The following RYK variants were observed in gnomAD, a reference collection of about 807,000 sequenced individuals.
The protein encoded by RYK is receptor like tyrosine kinase, also known as inactive tyrosine-protein kinase RYK.
A neutral mutation model predicts 70.2 loss-of-function variants in RYK; 21 were observed. The ratio of observed to expected loss-of-function variants is 0.30; its 90% CI spans 0.21 to 0.43. RYK has a LOEUF of 0.43. RYK is among the 20% of genes least tolerant of loss of function. The pLI is 1.00. For missense variants in RYK, 604 were observed against 753.3 expected (o/e 0.80, Z 2.32); for synonymous variants, 267 against 278.0 (o/e 0.96, Z 0.39).
chr3:134,202,146 C>T (rs1324483218), intron 6 of RYK, among the ~76,000 whole-genome samples: 1 of 152,146 alleles, frequency 6.6e-6, no homozygotes, highest in East Asian at 1.9e-4. Flanking sequence ...TAGTATCTAA[C>T]CCAGTATATC....
chr3:134,167,933 AAAC>A (rs1336203453), intron 13 of RYK, among the ~76,000 whole-genome samples: 4 of 152,178 alleles, frequency 2.6e-5, no homozygotes, highest in Non-Finnish European at 5.9e-5. Context: ...TACAAGAAAA[AAAC>A]AACCCCATCA....
chr3:134,249,915 T>C (rs1381206727), intron 1 of RYK, among the ~76,000 whole-genome samples: 4 of 134,778 alleles, frequency 3.0e-5, no homozygotes, highest in Admixed American at 7.7e-5. Flanking sequence ...TCTTTCTCTC[T>C]CGTTTTTTTT....
intron 2 of RYK, among the ~76,000 whole-genome samples, chr3:134,218,119 T>C (rs903992829): frequency 6.6e-6 from 1 of 152,200 alleles, no homozygotes; most frequent in Non-Finnish European, 1.5e-5. Flanking sequence ...CCTCACTCTA[T>C]TATGAGTAAA....
chr3:134,192,723 A>C (rs1255114191), intron 7 of RYK, among the ~76,000 whole-genome samples: 1 of 152,214 alleles, frequency 6.6e-6, no homozygotes, highest in African/African-American at 2.4e-5. Context: ...GATAATGGGA[A>C]GAAACCTCCC....
chr3:134,186,228 G>A (rs986535212), intron 9 of RYK, among the ~76,000 whole-genome samples: 4 of 152,140 alleles, frequency 2.6e-5, no homozygotes, highest in African/African-American at 9.7e-5. Context: ...GTAAGATTCG[G>A]GTTGCTAATT....
intron 1 of RYK, among the ~76,000 whole-genome samples, chr3:134,233,232 A>C (rs2015109628): frequency 6.6e-6 from 1 of 152,204 alleles, no homozygotes. Flanking sequence ...GCTCTGCTTT[A>C]ATTGCAGAAA....
chr3:134,173,877 T>C (rs528848852), intron 13 of RYK, among the ~76,000 whole-genome samples: 7 of 152,230 alleles, frequency 4.6e-5, no homozygotes, highest in Non-Finnish European at 7.3e-5. Flanking sequence ...AGTTTTTCAG[T>C]AAAGAAATCT....
intron 6 of RYK, among the ~76,000 whole-genome samples, chr3:134,200,914 T>G (rs974351788): frequency 1.3e-5 from 2 of 152,240 alleles, no homozygotes; most frequent in Non-Finnish European, 2.9e-5. Context: ...CACCAATTCA[T>G]GGATGGTAAC....
chr3:134,206,670 T>C (rs1403428325), intron 5 of RYK, among the ~76,000 whole-genome samples: 1 of 152,054 alleles, frequency 6.6e-6, no homozygotes, highest in Non-Finnish European at 1.5e-5. Context: ...TTAAAGGAGA[T>C]CTACACTGAA....
At chr3:134,199,580 G>A (rs943559014) in intron 6 of RYK, among the ~76,000 whole-genome samples, 1 of 152,206 alleles carries the variant, frequency 6.6e-6, no homozygotes, top group Non-Finnish European at 1.5e-5. Context: ...TACAGTACTG[G>A]TAAACAGAAA....
chr3:134,172,368 A>G (rs2012942331), intron 13 of RYK, among the ~76,000 whole-genome samples: 1 of 152,238 alleles, frequency 6.6e-6, no homozygotes. Flanking sequence ...ATTATGTTCT[A>G]CAACCAAAGC....
chr3:134,236,783 A>G (rs777744739), intron 1 of RYK, among the ~76,000 whole-genome samples: 7 of 152,182 alleles, frequency 4.6e-5, no homozygotes, highest in Non-Finnish European at 8.8e-5. Flanking sequence ...TGGGCTGATT[A>G]ATTTTTGACA....
At chr3:134,214,533 T>A (rs2107681167) in intron 2 of RYK, among the ~76,000 whole-genome samples, 1 of 152,334 alleles carries the variant, frequency 6.6e-6, no homozygotes, top group South Asian at 2.1e-4. Context: ...CACCTTCAGC[T>A]GGTTGACTCC....
chr3:134,180,817 AC>A (rs762132128), intron 10 of RYK: 8 of 152,350 alleles, frequency 5.3e-5, no homozygotes, highest in South Asian at 2.1e-4. Context: ...AGAAGGAAGA[AC>A]AATTAAGCAT....
intron 13 of RYK, among the ~76,000 whole-genome samples, chr3:134,172,457 TA>T (rs2108148469): frequency 6.6e-6 from 1 of 152,340 alleles, no homozygotes; most frequent in African/African-American, 2.4e-5. Flanking sequence ...CAGTTCCAGC[TA>T]CAATTCAGAA....
intron 13 of RYK, among the ~76,000 whole-genome samples, chr3:134,160,850 G>A (rs1040330659): frequency 6.6e-6 from 1 of 152,126 alleles, no homozygotes; most frequent in African/African-American, 2.4e-5. Flanking sequence ...GCGAGACTCT[G>A]TCTCAAAGAA....
chr3:134,176,279 TG>T (rs1354797223), intron 11 of RYK, among the ~76,000 whole-genome samples: 4 of 152,258 alleles, frequency 2.6e-5, no homozygotes, highest in Admixed American at 6.5e-5. Flanking sequence ...ATCTGTTAGA[TG>T]TATCTCCCCA....
At chr3:134,168,583 G>A (rs1055696227) in intron 13 of RYK, among the ~76,000 whole-genome samples, 1 of 117,370 alleles carries the variant, frequency 8.5e-6, no homozygotes, top group East Asian at 2.8e-4. Context: ...AGAACACTTG[G>A]ACACAGGAAG....
intron 1 of RYK, among the ~76,000 whole-genome samples, chr3:134,244,917 C>T (rs1389992409): frequency 6.6e-6 from 1 of 152,262 alleles, no homozygotes; most frequent in Non-Finnish European, 1.5e-5. Flanking sequence ...CAGGGGAGCT[C>T]GTTTGCCCCT....
Sources: gnomAD v4.1 joint callset for allele counts (sites outside exome capture counted in the v4.1 genomes callset) on GRCh38, gnomAD v4.1.1 for gene constraint, MANE v1.5 for transcripts, NCBI Gene and HGNC (gene_info 2026-07-23, HGNC 2026-07-21) for gene names.